GNPTAB: variants seen among roughly 807,000 people sequenced by gnomAD.
GNPTAB encodes N-acetylglucosamine-1-phosphotransferase subunits alpha/beta.
GNPTAB carries 92 observed loss-of-function variants against 136.6 expected under a neutral mutation model. That is an observed-to-expected ratio of 0.67 (90% CI 0.57 to 0.80). The LOEUF (loss-of-function observed/expected upper bound fraction) is 0.80. Ranked by LOEUF, GNPTAB falls within the 30% of genes least tolerant of loss-of-function variation. The pLI is 0.00. For missense variants in GNPTAB, 1,343 were observed against 1,501.8 expected, an observed-to-expected ratio of 0.89 and a Z score of 1.75; for synonymous variants, 512 against 535.1, an observed-to-expected ratio of 0.96 and a Z score of 0.60.
rs114458449 is a variant in GNPTAB at position 101,784,204 on chromosome 12, T to A, written c.571+1808A>T. On this transcript the variant is annotated intron_variant, in intron 5 of 20. Coordinates refer to ENST00000299314, the MANE Select transcript of GNPTAB (RefSeq NM_024312.5). ...TAAGTATTACAGAAATACAGAAAAG[T>A]AAAAATAAAATCATTGTGAATATAT... Among the ~76,000 whole-genome samples, 1,470 of 152,200 alleles carry A rather than the reference T, an allele frequency of 9.7e-3. 27 individuals carry two copies. Among genetic ancestry groups the A allele is most frequent in the African/African-American group, 0.034 (1,400 of 41,506 alleles).
chr12:101,829,358 G>A lies in GNPTAB; in HGVS notation c.117+1201C>T, dbSNP rs138372343. 1.9e-3 allele frequency among the ~76,000 whole-genome samples: 285 copies of A among 152,134 alleles called. 2 individuals are homozygous for A. The highest frequency in any genetic ancestry group is 6.6e-3 in the African/African-American group (272 of 41,494). ...AAATTAGCTGTGCATGGTGGTACGCGCCTGTAGTCCCAGCTACTCAGGAGG... is the reference window on the plus strand; with the variant it reads ...AAATTAGCTGTGCATGGTGGTACGCACCTGTAGTCCCAGCTACTCAGGAGG... On this transcript the variant is annotated intron_variant, in intron 1 of 20. Coordinates refer to ENST00000299314, the MANE Select transcript of GNPTAB (RefSeq NM_024312.5).
chr12:101,772,628 C>T (rs781171291), intron 7 of GNPTAB, among the ~76,000 whole-genome samples: 11 of 152,096 alleles, frequency 7.2e-5, no homozygotes, highest in Admixed American at 2.6e-4. Context: ...CACTGAGTCA[C>T]CAACTTGCCT....
intron 2 of GNPTAB, among the ~76,000 whole-genome samples, chr12:101,793,816 G>GT (rs1869126772): frequency 6.6e-6 from 1 of 152,106 alleles, no homozygotes; most frequent in African/African-American, 2.4e-5. Context: ...AACTTAAATA[G>GT]TATTTTGTCT....
intron 15 of GNPTAB, among the ~76,000 whole-genome samples, chr12:101,760,423 G>T (rs1952975699): frequency 6.6e-6 from 1 of 152,156 alleles, no homozygotes; most frequent in South Asian, 2.1e-4. Flanking sequence ...CCTGCAGCTA[G>T]ATTCATCTGG....
At chr12:101,748,405 A>G (rs1460326764) in intron 20 of GNPTAB, among the ~76,000 whole-genome samples, 2 of 152,212 alleles carry the variant, frequency 1.3e-5, no homozygotes, top group African/African-American at 4.8e-5. Context: ...GCCACACCCA[A>G]GTCAGGTTGG....
At chr12:101,763,221 CA>C (rs754822672) in intron 13 of GNPTAB, among the ~76,000 whole-genome samples, 430 of 59,870 alleles carry the variant, frequency 7.2e-3, no homozygotes, top group African/African-American at 0.017. Flanking sequence ...AACTCCATCT[CA>C]AAAAAAAAAA....
chr12:101,791,496 A>C (rs910730586), intron 2 of GNPTAB, among the ~76,000 whole-genome samples: 6 of 152,140 alleles, frequency 3.9e-5, no homozygotes, highest in East Asian at 1.9e-4. Flanking sequence ...CAAAAAAAAA[A>C]AAAATCTCAT....
chr12:101,822,915 A>T (rs914252041), intron 1 of GNPTAB, among the ~76,000 whole-genome samples: 2 of 152,218 alleles, frequency 1.3e-5, no homozygotes, highest in Non-Finnish European at 2.9e-5. Context: ...CCTACCCAGC[A>T]TCACTTATCT....
At chr12:101,797,209 T>A (rs774926876) in intron 1 of GNPTAB, among the ~76,000 whole-genome samples, 1 of 152,122 alleles carries the variant, frequency 6.6e-6, no homozygotes, top group African/African-American at 2.4e-5. Context: ...GAAAGAAAGC[T>A]GGGCCCTAAG....
chr12:101,806,671 TA>T (rs1276569084), intron 1 of GNPTAB, among the ~76,000 whole-genome samples: 1 of 152,216 alleles, frequency 6.6e-6, no homozygotes, highest in Non-Finnish European at 1.5e-5. Flanking sequence ...CCACAGACTT[TA>T]TAATTTGGAT....
Position 101,764,966 on chromosome 12 carries a change from T to A in GNPTAB, c.1951A>T (p.Asn651Tyr). The A allele has an allele frequency of 6.2e-7, 1 of 1,614,190 alleles. No homozygotes were observed. The highest frequency in any genetic ancestry group is 8.5e-7 in the Non-Finnish European group (1 of 1,180,000). Reference sequence around the variant, plus strand: ...AGAAGTGTTATGGGACTAACTAAATTTTCGTAACCCTTCTGGGCTGTAGAA... The same window carrying A: ...AGAAGTGTTATGGGACTAACTAAATATTCGTAACCCTTCTGGGCTGTAGAA... ...LNSTAQKGYENLVSPITLLPE... is the reference protein window; with the variant it reads ...LNSTAQKGYEYLVSPITLLPE... Residue 651 changes from asparagine to tyrosine, a missense_variant, in exon 13 of 21, where the codon AAT (asparagine) becomes TAT (tyrosine). Transcript: ENST00000299314.
chr12:101,757,868 T>G (rs1177012331), intron 16 of GNPTAB, among the ~76,000 whole-genome samples: 1 of 152,142 alleles, frequency 6.6e-6, no homozygotes, highest in Non-Finnish European at 1.5e-5. Flanking sequence ...ATAATGCATT[T>G]TTCACAAACC....
Position 101,768,078 on chromosome 12 carries a change from C to T in GNPTAB, c.1367G>A (p.Cys456Tyr). The change falls in exon 11 of 21, where the codon TGT becomes TAT. Residue 456 changes from cysteine to tyrosine, a missense_variant. Cys to Tyr is a radical substitution (Grantham distance 194). Transcript: ENST00000299314. ...ATCCCAATCGCAGGCTGAATTATTACAAGCCTTGTCACAATAGCCATCCTT... is the reference window on the plus strand; with the variant it reads ...ATCCCAATCGCAGGCTGAATTATTATAAGCCTTGTCACAATAGCCATCCTT... Reference protein sequence around the residue: ...WIKDGYCDKACNNSACDWDGG... With the variant: ...WIKDGYCDKAYNNSACDWDGG... The T allele has an allele frequency of 6.2e-7, 1 of 1,614,118 alleles. No individual in the cohort carries two copies. The highest frequency in any genetic ancestry group is 8.5e-7 in the Non-Finnish European group (1 of 1,179,942).
chr12:101,749,723 T>C (rs1682873415), intron 19 of GNPTAB, among the ~76,000 whole-genome samples: 1 of 152,136 alleles, frequency 6.6e-6, no homozygotes, highest in Admixed American at 6.5e-5. Context: ...CTGTAAGCCT[T>C]GAAGGGGACA....
At chr12:101,761,810 A>T in intron 13 of GNPTAB, 47 bp from the exon 14 acceptor site, 1 of 1,330,108 alleles carries the variant, frequency 7.5e-7, no homozygotes, top group Non-Finnish European at 1.1e-6. Flanking sequence ...TTTAGTGCAC[A>T]AGTGTACTTT....
Position 101,824,433 on chromosome 12 carries a change from T to TATA in GNPTAB, c.117+6125_117+6126insTAT, listed in dbSNP as rs1423746036. Reference sequence around the variant, plus strand: ...ATATATATATATATATATATATATATTTTCTTTTTTTTTTTTTTTTTTTTG... The same window carrying TATA: ...ATATATATATATATATATATATATATATATTTCTTTTTTTTTTTTTTTTTTTTG... On this transcript the variant is annotated intron_variant, in intron 1 of 20. Transcript: ENST00000299314. Among the ~76,000 whole-genome samples the TATA allele has an allele frequency of 2.3e-3, 207 of 90,608 alleles. 2 individuals are homozygous for TATA. The highest frequency in any genetic ancestry group is 7.4e-3 in the African/African-American group (159 of 21,606). The allele number at this position is 90,608 out of a possible 152,430, so 59.4% of individuals were successfully genotyped here.
chr12:101,812,720 C>T (rs1199942116), intron 1 of GNPTAB, among the ~76,000 whole-genome samples: 1 of 152,084 alleles, frequency 6.6e-6, no homozygotes, highest in Non-Finnish European at 1.5e-5. Context: ...GTTCATGCCA[C>T]TGAACTCCAA....
intron 7 of GNPTAB, among the ~76,000 whole-genome samples, chr12:101,771,620 A>G (rs1953178152): frequency 6.6e-6 from 1 of 152,188 alleles, no homozygotes; most frequent in Admixed American, 6.5e-5. Context: ...GCATTTCCCA[A>G]ATGAATGTTA....
At chr12:101,777,198 C>T (rs1469789181) in intron 7 of GNPTAB, among the ~76,000 whole-genome samples, 8 of 152,198 alleles carry the variant, frequency 5.3e-5, no homozygotes, top group Admixed American at 4.6e-4. Flanking sequence ...CCATTTCCAT[C>T]GTTGGCATCC....
Sources: allele counts gnomAD v4.1 joint callset (sites outside exome capture counted in the v4.1 genomes callset), GRCh38; gene constraint gnomAD v4.1.1; transcripts MANE v1.5; gene names NCBI Gene and HGNC (gene_info 2026-07-23, HGNC 2026-07-21).